GRK4: variants seen among roughly 807,000 people sequenced by gnomAD.
GRK4 encodes the protein G protein-coupled receptor kinase 2-like.
GRK4 carries 73 observed loss-of-function variants against 77.9 expected under a neutral mutation model. The observed-to-expected ratio is 0.94, with a 90% CI of 0.78 to 1.14. The LOEUF (loss-of-function observed/expected upper bound fraction) is 1.14, where lower values mean the gene tolerates loss of function less well. Among genes scored for constraint, GRK4 ranks in the 50% most tolerant of loss-of-function variants. The pLI is 0.00. For missense variants in GRK4, 729 were observed against 700.2 expected, an observed-to-expected ratio of 1.04 and a Z score of -0.46; for synonymous variants, 257 against 254.4, an observed-to-expected ratio of 1.01 and a Z score of -0.10.
intron 7 of GRK4, among the ~76,000 whole-genome samples, chr4:3,011,502 C>T (rs1169259097): frequency 1.3e-5 from 2 of 152,172 alleles, no homozygotes; most frequent in South Asian, 2.1e-4. Context: ...TACTTTTTAA[C>T]AGATTTACTT....
At position 3,038,308 on chromosome 4, in the gene GRK4, A is replaced by C. The variant is rs1202686223; in HGVS notation, c.1546-68A>C. 4 of 1,592,930 alleles carry C rather than the reference A, an allele frequency of 2.5e-6. No homozygotes were observed. In the Admixed American group the frequency reaches 5.1e-5, roughly 20 times the overall value. On this transcript the variant is annotated intron_variant, in intron 14 of 15. Coordinates refer to ENST00000398052, the MANE Select transcript of GRK4 (RefSeq NM_182982.3). ...ACGGGGCTGGGCAGGAGCTGCTGGC[A>C]CTGGGAGACACCCACTGACCTGGCA...
chr4:2,992,913 G>A (rs1397298247), intron 4 of GRK4, among the ~76,000 whole-genome samples: 2 of 152,176 alleles, frequency 1.3e-5, no homozygotes, highest in Non-Finnish European at 2.9e-5. Context: ...GAGCCCAGGA[G>A]GTCAAGGCTG....
chr4:3,004,470 C>T (rs1730728854), intron 5 of GRK4, 136 bp downstream of exon 5: 2 of 554,194 alleles, frequency 3.6e-6, no homozygotes, highest in South Asian at 5.2e-5. Flanking sequence ...ATTAGGGACG[C>T]TGACACCACC....
In GRK4 at chr4:2,985,701, G is replaced by T. The variant is rs918301450; in HGVS notation, c.148+1093G>T. 4.3e-5 allele frequency: 13 copies of T among 305,674 alleles called. 1 individual carries two copies. The highest frequency in any genetic ancestry group is 1.1e-3 in the Middle Eastern group (1 of 890). 18.9% of individuals were successfully genotyped at this position (305,674 alleles called of 1,614,324 possible). A position where few individuals can be genotyped will look rare whatever the true frequency, so the allele number is the denominator to read the frequency against. ...GCTACAGGTCCTAACATGAGCCTAA[G>T]GAGTCAGATACAGAAGGCCGGGTGT... is the stretch of plus-strand genomic sequence containing the variant. On this transcript the variant is annotated intron_variant, in intron 2 of 15. Coordinates refer to ENST00000398052, the MANE Select transcript of GRK4 (RefSeq NM_182982.3).
At position 3,040,576 on chromosome 4, in the gene GRK4, G is replaced by T; in HGVS notation, c.1688G>T (p.Cys563Phe). 6.2e-7 allele frequency: 1 copy of T among 1,609,484 alleles called. No individual in the cohort carries two copies. The highest frequency in any genetic ancestry group is 8.5e-7 in the Non-Finnish European group (1 of 1,178,254). ...GGCCGCCGCTGTGTGTTGTAGGGCT[G>T]CCTGACCATGGTCCCCAGTGAGAAG... is the stretch of plus-strand genomic sequence containing the variant. ...FFYRLFRRGG[C>F]LTMVPSEKEV... is the part of the protein sequence containing the mutation. Residue 563 changes from cysteine to phenylalanine, a missense_variant, in exon 16 of 16, where the codon TGC becomes TTC. Coordinates refer to ENST00000398052, the MANE Select transcript of GRK4 (RefSeq NM_182982.3).
intron 1 of GRK4, among the ~76,000 whole-genome samples, chr4:2,967,591 G>A (rs1176474217): frequency 6.6e-6 from 1 of 152,110 alleles, no homozygotes; most frequent in Non-Finnish European, 1.5e-5. Context: ...TAGAGACAAG[G>A]TTTTGCCATG....
At chr4:3,038,037 A>G (rs1190693939) in intron 14 of GRK4, among the ~76,000 whole-genome samples, 1 of 152,104 alleles carries the variant, frequency 6.6e-6, no homozygotes, top group Non-Finnish European at 1.5e-5. Flanking sequence ...TCCCAATGAC[A>G]GGAAGTGGAC....
At chr4:2,999,579 A>G (rs148318797) in intron 4 of GRK4, among the ~76,000 whole-genome samples, 1 of 152,362 alleles carries the variant, frequency 6.6e-6, no homozygotes, top group Non-Finnish European at 1.5e-5. Context: ...GGATAGCCAC[A>G]TGCAGAGAAT....
intron 1 of GRK4, among the ~76,000 whole-genome samples, chr4:2,982,724 T>C (rs145246983): frequency 6.6e-6 from 1 of 152,286 alleles, no homozygotes; most frequent in East Asian, 1.9e-4. Flanking sequence ...CTGAAAAAAA[T>C]AACCCATAAC....
intron 3 of GRK4, 78 bp from the exon 4 acceptor site, chr4:2,992,137 C>T (rs1578104783): frequency 7.2e-6 from 7 of 970,848 alleles, no homozygotes; most frequent in Non-Finnish European, 1.1e-5. Flanking sequence ...CCTCAGCGTC[C>T]CAAGTGGCTG....
At chr4:3,028,810 C>T (rs1738330696) in intron 11 of GRK4, among the ~76,000 whole-genome samples, 1 of 150,066 alleles carries the variant, frequency 6.7e-6, no homozygotes, top group Admixed American at 6.7e-5. Context: ...CTCACTCAGT[C>T]GCCCAGGCTA....
In GRK4 at chr4:2,965,265, G is replaced by A. The variant is rs568271010; in HGVS notation, c.52+1143G>A. The A allele has an allele frequency of 5.7e-6, 4 of 702,988 alleles. No individual in the cohort carries two copies. In the South Asian group the frequency reaches 5.9e-5, roughly 10 times the overall value. 43.5% of individuals were successfully genotyped at this position (702,988 alleles called of 1,614,324 possible). A position where few individuals can be genotyped will look rare whatever the true frequency, so the allele number is the denominator to read the frequency against. On this transcript the variant is annotated intron_variant, in intron 1 of 15. Transcript: ENST00000398052. Reference sequence around the variant, plus strand: ...TAGTCCTCTGCATCCCGCCACAAAAGCATCAGTTGGTCCAGCCCTTCAGCG... The same window carrying A: ...TAGTCCTCTGCATCCCGCCACAAAAACATCAGTTGGTCCAGCCCTTCAGCG...
At chr4:2,988,253 A>G (rs926738548) in intron 2 of GRK4, among the ~76,000 whole-genome samples, 3 of 151,826 alleles carry the variant, frequency 2.0e-5, no homozygotes, top group Middle Eastern at 3.2e-3. Flanking sequence ...TTTTCATTGA[A>G]TCTAATCCTA....
chr4:2,978,001 T>C (rs953487186), intron 1 of GRK4, among the ~76,000 whole-genome samples: 1 of 152,260 alleles, frequency 6.6e-6, no homozygotes, highest in South Asian at 2.1e-4. Context: ...GAAGTTCATT[T>C]TGCCTATTTT....
intron 8 of GRK4, among the ~76,000 whole-genome samples, chr4:3,017,156 ACT>A: frequency 6.6e-6 from 1 of 152,154 alleles, no homozygotes; most frequent in Non-Finnish European, 1.5e-5. Flanking sequence ...GCCACCTGCC[ACT>A]CTGAGAATAA....
At chr4:2,980,560 C>A (rs559313455) in intron 1 of GRK4, among the ~76,000 whole-genome samples, 1 of 151,974 alleles carries the variant, frequency 6.6e-6, no homozygotes, top group Admixed American at 6.6e-5. Context: ...AGATGAGGCA[C>A]AGGGACTCAC....
intron 6 of GRK4, among the ~76,000 whole-genome samples, chr4:3,008,995 G>C (rs1732107917): frequency 6.6e-6 from 1 of 152,170 alleles, no homozygotes; most frequent in Non-Finnish European, 1.5e-5. Flanking sequence ...CTGACAGGTT[G>C]AGAGGGATCT....
chr4:2,999,819 A>G (rs1327797777), intron 4 of GRK4, among the ~76,000 whole-genome samples: 1 of 152,220 alleles, frequency 6.6e-6, no homozygotes, highest in African/African-American at 2.4e-5. Context: ...TGCTTCAAAG[A>G]ACACTATCAA....
intron 4 of GRK4, among the ~76,000 whole-genome samples, chr4:2,994,327 C>T (rs1478271417): frequency 1.3e-5 from 2 of 152,256 alleles, no homozygotes; most frequent in Admixed American, 1.3e-4. Context: ...TCACATGCCT[C>T]AGCCACCTGG....
Sources: allele counts gnomAD v4.1 joint callset (sites outside exome capture counted in the v4.1 genomes callset), GRCh38; gene constraint gnomAD v4.1.1; transcripts MANE v1.5; gene names NCBI Gene and HGNC (gene_info 2026-07-23, HGNC 2026-07-21).